Variants in FBXL17 observed in about 807,000 individuals in gnomAD.
FBXL17 encodes F-box and leucine rich repeat protein 17.
FBXL17 carries 22 observed loss-of-function variants against 66.2 expected under a neutral mutation model. The observed-to-expected ratio is 0.33, with a 90% confidence interval of 0.24 to 0.47. FBXL17 has a LOEUF of 0.47. FBXL17 is among the 20% of genes least tolerant of loss of function. FBXL17 has a pLI of 1.00. For synonymous variants in FBXL17, 474 were observed against 400.5 expected (o/e 1.18, Z -2.19); for missense variants, 878 against 948.2 (o/e 0.93, Z 0.97).
chr5:108,186,257 TA>T lies in FBXL17; in HGVS notation c.1615-11del, dbSNP rs1561453441. On this transcript the variant is annotated splice_polypyrimidine_tract_variant and intron_variant, in intron 5 of 8. Transcript: ENST00000542267. The stretch of plus-strand genomic sequence containing the variant: ...TGGAAAGGTTTCTTAGCTAATGAGA[TA>T]AATAAAATGAAAGATGAAAAAGGTA... The T allele has an allele frequency of 6.2e-7, 1 of 1,603,560 alleles. No individual in the cohort carries two copies. The highest frequency in any genetic ancestry group is 1.1e-5 in the South Asian group (1 of 88,874).
At chr5:108,320,913 A>G (rs890928292) in intron 4 of FBXL17, among the ~76,000 whole-genome samples, 2 of 151,826 alleles carry the variant, frequency 1.3e-5, no homozygotes, top group Non-Finnish European at 2.9e-5. Context: ...TGTTTAAAGA[A>G]AAAGCACGTT....
At chr5:108,334,178 GC>G (rs1561535346) in intron 4 of FBXL17, among the ~76,000 whole-genome samples, 1 of 152,092 alleles carries the variant, frequency 6.6e-6, no homozygotes, top group Non-Finnish European at 1.5e-5. Flanking sequence ...CACCTAAATT[GC>G]CCAAGAACTA....
rs1485653716 is a variant in FBXL17 at position 108,021,006 on chromosome 5, AAC to A, written c.1746-7_1746-6del. 6.2e-7 allele frequency: 1 copy of A among 1,606,954 alleles called. No homozygotes were observed. The highest frequency in any genetic ancestry group is 2.2e-5 in the East Asian group (1 of 44,714). On this transcript the variant is annotated splice_region_variant and splice_polypyrimidine_tract_variant and intron_variant, in intron 6 of 8. Transcript: ENST00000542267. The stretch of plus-strand genomic sequence containing the variant: ...TTTGCAATGACCTCCACACACCTGA[AAC>A]ATACAAAAAGTGGTTATACTAATGC...
intron 5 of FBXL17, among the ~76,000 whole-genome samples, chr5:108,186,488 T>A (rs967434633): frequency 6.7e-6 from 1 of 148,950 alleles, no homozygotes; most frequent in Non-Finnish European, 1.5e-5. Flanking sequence ...GAAAGTAGAT[T>A]TGGCCAGGCG....
chr5:108,015,792 A>AGTTTTCT (rs1172367708), intron 7 of FBXL17, among the ~76,000 whole-genome samples: 3 of 152,168 alleles, frequency 2.0e-5, no homozygotes, highest in Non-Finnish European at 4.4e-5. Flanking sequence ...GAGGTAGGGA[A>AGTTTTCT]GGTATAACCT....
intron 4 of FBXL17, among the ~76,000 whole-genome samples, chr5:108,247,697 T>A (rs1756165823): frequency 6.6e-6 from 1 of 152,204 alleles, no homozygotes; most frequent in Admixed American, 6.5e-5. Flanking sequence ...TATTTTAATT[T>A]TTACTCATAG....
intron 7 of FBXL17, among the ~76,000 whole-genome samples, chr5:107,901,698 G>A (rs558687953): frequency 6.6e-6 from 1 of 152,208 alleles, no homozygotes; most frequent in African/African-American, 2.4e-5. Flanking sequence ...CCTATTGCTC[G>A]CTTTTGATGG....
intron 1 of FBXL17, among the ~76,000 whole-genome samples, chr5:108,374,420 C>A (rs187926347): frequency 6.6e-6 from 1 of 152,310 alleles, no homozygotes; most frequent in Admixed American, 6.5e-5. Context: ...GCCTATAATT[C>A]CAGCATTTTG....
chr5:108,165,503 G>A (rs1178086959), intron 6 of FBXL17, among the ~76,000 whole-genome samples: 1 of 152,164 alleles, frequency 6.6e-6, no homozygotes, highest in Admixed American at 6.5e-5. Flanking sequence ...GACCATGAAA[G>A]AAAACAAACG....
rs140495628 is a variant in FBXL17, at chr5:108,007,209, G to T, written c.1822+13716C>A. 2.8e-4 allele frequency among the ~76,000 whole-genome samples: 42 copies of T among 152,264 alleles called. No individual in the cohort carries two copies. In the East Asian group the frequency reaches 7.7e-3, roughly 28 times the overall value. On this transcript the variant is annotated intron_variant, in intron 7 of 8. Transcript: ENST00000542267. ...CTTTGTTAGTGAGGGTCCAATTTAG[G>T]CCCTGGAGTCCATCTTTTCTGTAGT...
chr5:108,170,435 T>C (rs1752564703), intron 6 of FBXL17, among the ~76,000 whole-genome samples: 1 of 152,186 alleles, frequency 6.6e-6, no homozygotes, highest in Admixed American at 6.5e-5. Context: ...GTTAGAAGAA[T>C]TTCAAAAATA....
At chr5:108,350,703 T>C (rs1747588216) in intron 3 of FBXL17, among the ~76,000 whole-genome samples, 1 of 152,200 alleles carries the variant, frequency 6.6e-6, no homozygotes, top group African/African-American at 2.4e-5. Context: ...ATAAATTATT[T>C]CTAACCCAGA....
At chr5:107,880,980 C>T (rs757640077) in intron 8 of FBXL17, 57 bp downstream of exon 8, 141 of 1,613,418 alleles carry the variant, frequency 8.7e-5, no homozygotes, top group Non-Finnish European at 1.7e-5. Flanking sequence ...GATATGACAT[C>T]AAGCTATTAA....
chr5:107,890,110 T>C (rs1043247135), intron 7 of FBXL17, among the ~76,000 whole-genome samples: 1 of 152,198 alleles, frequency 6.6e-6, no homozygotes, highest in Non-Finnish European at 1.5e-5. Context: ...CAATGATTCT[T>C]TTTTATTCCA....
At chr5:108,247,342 G>A (rs1412976538) in intron 4 of FBXL17, among the ~76,000 whole-genome samples, 1 of 151,972 alleles carries the variant, frequency 6.6e-6, no homozygotes, top group Non-Finnish European at 1.5e-5. Flanking sequence ...AAAAAAATAG[G>A]GACAAGGGCC....
At chr5:108,347,451 A>C (rs1490503504) in intron 4 of FBXL17, among the ~76,000 whole-genome samples, 2 of 152,160 alleles carry the variant, frequency 1.3e-5, no homozygotes, top group African/African-American at 4.8e-5. Context: ...CTTTTAACTG[A>C]TATGATGTAC....
intron 4 of FBXL17, among the ~76,000 whole-genome samples, chr5:108,267,281 A>G (rs1757082053): frequency 6.6e-6 from 1 of 152,056 alleles, no homozygotes; most frequent in Non-Finnish European, 1.5e-5. Context: ...TGAAATTGTT[A>G]TATAATCTAA....
chr5:108,177,167 T>C (rs1016618007), intron 6 of FBXL17, among the ~76,000 whole-genome samples: 6 of 152,188 alleles, frequency 3.9e-5, no homozygotes, highest in East Asian at 1.9e-4. Flanking sequence ...GTTAAATAAA[T>C]ACCTATTCAA....
chr5:108,166,986 C>A (rs919190595), intron 6 of FBXL17, among the ~76,000 whole-genome samples: 1 of 151,986 alleles, frequency 6.6e-6, no homozygotes, highest in African/African-American at 2.4e-5. Context: ...AAGTGAAAAG[C>A]ATTTCACAAA....
Sources: allele counts gnomAD v4.1 joint callset (sites outside exome capture counted in the v4.1 genomes callset), GRCh38; gene constraint gnomAD v4.1.1; transcripts MANE v1.5; gene names NCBI Gene and HGNC (gene_info 2026-07-23, HGNC 2026-07-21).